Variants in RAPGEF2 observed in about 807,000 individuals in gnomAD.
RAPGEF2 encodes PDZ domain containing guanine nucleotide exchange factor (GEF) 1.
In RAPGEF2, 54 loss-of-function variants were observed where a neutral mutation model predicts 186.7. That is an observed-to-expected ratio of 0.29 (90% CI 0.23 to 0.36). The LOEUF (loss-of-function observed/expected upper bound fraction) is 0.36. Ranked by LOEUF, RAPGEF2 falls within the 10% of genes least tolerant of loss-of-function variation. The pLI is 1.00. For synonymous variants in RAPGEF2, 712 were observed against 705.9 expected (o/e 1.01, Z -0.14); for missense variants, 1,532 against 2,045.0 (o/e 0.75, Z 4.84).
At chr4:159,135,336 G>T (rs1741606114) in intron 1 of RAPGEF2, among the ~76,000 whole-genome samples, 1 of 152,010 alleles carries the variant, frequency 6.6e-6, no homozygotes, top group Non-Finnish European at 1.5e-5. Flanking sequence ...GTAAGTCATT[G>T]CGCCTGGCCC....
chr4:159,144,879 G>GTTTTTTTTTTTTTTTT (rs137978885), intron 1 of RAPGEF2, among the ~76,000 whole-genome samples: 2 of 92,338 alleles, frequency 2.2e-5, no homozygotes, highest in African/African-American at 4.2e-5. Flanking sequence ...CTTTCTTCCT[G>GTTTTTTTTTTTTTTTT]TTTTTTTTTT....
intron 7 of RAPGEF2, among the ~76,000 whole-genome samples, chr4:159,257,108 G>A (rs917795360): frequency 6.6e-6 from 1 of 151,804 alleles, no homozygotes; most frequent in African/African-American, 2.4e-5. Flanking sequence ...GTTTTGTTTT[G>A]TTTTGTTTTT....
chr4:159,347,555 C>T (rs1041270107), intron 25 of RAPGEF2, among the ~76,000 whole-genome samples: 2 of 152,184 alleles, frequency 1.3e-5, no homozygotes, highest in Non-Finnish European at 2.9e-5. Flanking sequence ...GAGGCTGAGG[C>T]GGGCAGATCA....
intron 7 of RAPGEF2, among the ~76,000 whole-genome samples, chr4:159,292,699 A>G (rs1761396391): frequency 2.0e-5 from 3 of 152,210 alleles, no homozygotes; most frequent in Non-Finnish European, 4.4e-5. Flanking sequence ...TTTATGAGTC[A>G]TCAAAATCAA....
chr4:159,209,025 G>A (rs1750242146), intron 3 of RAPGEF2, among the ~76,000 whole-genome samples: 1 of 151,970 alleles, frequency 6.6e-6, no homozygotes, highest in Admixed American at 6.6e-5. Flanking sequence ...CAAGTAGCCG[G>A]GATTATAGGC....
chr4:159,358,027 T>C, intron 29 of RAPGEF2, 87 bp from the exon 30 acceptor site: 1 of 1,300,412 alleles, frequency 7.7e-7, no homozygotes, highest in Non-Finnish European at 1.1e-6. Context: ...ATAGTTTTAT[T>C]TAGCACATCA....
chr4:159,130,120 T>C (rs552571720), intron 1 of RAPGEF2, among the ~76,000 whole-genome samples: 15 of 152,328 alleles, frequency 9.8e-5, no homozygotes, highest in African/African-American at 2.9e-4. Context: ...TTTAGCAATC[T>C]AATGCATTAT....
intron 1 of RAPGEF2, among the ~76,000 whole-genome samples, chr4:159,167,666 A>G (rs1035218451): frequency 1.3e-5 from 2 of 152,218 alleles, no homozygotes; most frequent in African/African-American, 2.4e-5. Flanking sequence ...AGAAAGGACA[A>G]TGATTTTCTC....
intron 1 of RAPGEF2, among the ~76,000 whole-genome samples, chr4:159,108,387 T>TC (rs1279734275): frequency 1.4e-5 from 2 of 142,446 alleles, no homozygotes; most frequent in East Asian, 2.0e-4. Flanking sequence ...AACTTTCTTT[T>TC]TTTTTTTTTT....
chr4:159,297,558 A>G (rs776972422), intron 7 of RAPGEF2, among the ~76,000 whole-genome samples: 1 of 152,234 alleles, frequency 6.6e-6, no homozygotes, highest in Non-Finnish European at 1.5e-5. Context: ...TTAGTTTGCA[A>G]AATGTATTAT....
intron 7 of RAPGEF2, among the ~76,000 whole-genome samples, chr4:159,281,251 A>G (rs1759664225): frequency 6.6e-6 from 1 of 151,996 alleles, no homozygotes; most frequent in South Asian, 2.1e-4. Context: ...TGGCCTCCCA[A>G]AATGCTGGGA....
At chr4:159,342,958 T>C in intron 20 of RAPGEF2, 21 bp from the exon 21 acceptor site, 1 of 1,605,330 alleles carries the variant, frequency 6.2e-7, no homozygotes, top group South Asian at 1.1e-5. Flanking sequence ...TGTTATACCA[T>C]GTTTCTTTTT....
intron 3 of RAPGEF2, among the ~76,000 whole-genome samples, chr4:159,206,850 TAGG>T (rs1445246431): frequency 6.6e-6 from 1 of 152,180 alleles, no homozygotes; most frequent in Non-Finnish European, 1.5e-5. Context: ...GGGGGATGGA[TAGG>T]AGGAGAGGAG....
At chr4:159,304,594 C>T (rs1411922029) in intron 8 of RAPGEF2, 121 bp downstream of exon 8, 2 of 865,948 alleles carry the variant, frequency 2.3e-6, no homozygotes, top group Non-Finnish European at 3.3e-6. Context: ...CATGTAAGTA[C>T]ATAAAATATT....
At chr4:159,274,598 C>T (rs904051620) in intron 7 of RAPGEF2, among the ~76,000 whole-genome samples, 1 of 152,120 alleles carries the variant, frequency 6.6e-6, no homozygotes, top group Non-Finnish European at 1.5e-5. Context: ...TTTGTTCTCT[C>T]TGACCTACTT....
chr4:159,332,792 A>G (rs1476541582), intron 17 of RAPGEF2, 95 bp downstream of exon 17: 1 of 1,414,556 alleles, frequency 7.1e-7, no homozygotes, highest in East Asian at 2.4e-5. Context: ...GAGTCTGAAA[A>G]CTGTTCTAGG....
intron 7 of RAPGEF2, among the ~76,000 whole-genome samples, chr4:159,272,552 T>C (rs1489687551): frequency 6.6e-6 from 1 of 152,246 alleles, no homozygotes; most frequent in Non-Finnish European, 1.5e-5. Context: ...TTGGTGCTTA[T>C]AAATTTGTTT....
rs753271034 is a variant in RAPGEF2, at chr4:159,205,933, CT to C, written c.198-4554del. On this transcript the variant is annotated intron_variant, in intron 3 of 29. Coordinates refer to ENST00000691494, the MANE Select transcript of RAPGEF2 (RefSeq NM_001394067.2). Reference sequence around the variant, plus strand: ...ACATTAGCCTACAGTTGGGCAGGATCTTTTTTTTTTTTTGAGACAGAGTGTC... The same window carrying C: ...ACATTAGCCTACAGTTGGGCAGGATCTTTTTTTTTTTTGAGACAGAGTGTC... Among the ~76,000 whole-genome samples, 786 of 145,416 alleles carry C rather than the reference CT, an allele frequency of 5.4e-3. 4 individuals carry two copies. Among genetic ancestry groups the C allele is most frequent in the African/African-American group, 0.012 (490 of 39,952 alleles).
chr4:159,263,939 A>G (rs945785006), intron 7 of RAPGEF2, among the ~76,000 whole-genome samples: 3 of 152,166 alleles, frequency 2.0e-5, no homozygotes, highest in African/African-American at 7.2e-5. Context: ...TTTGGAAGTC[A>G]TTGGATGTTA....
Sources: gnomAD v4.1 joint callset for allele counts (sites outside exome capture counted in the v4.1 genomes callset) on GRCh38, gnomAD v4.1.1 for gene constraint, MANE v1.5 for transcripts, NCBI Gene and HGNC (gene_info 2026-07-23, HGNC 2026-07-21) for gene names.